The following OTUB1 variants were observed in gnomAD, a reference collection of about 807,000 sequenced individuals.
The protein encoded by OTUB1 is ubiquitin thioesterase OTUB1.
In OTUB1, 10 loss-of-function variants were observed where a neutral mutation model predicts 35.8. The observed-to-expected ratio is 0.28, with a 90% CI of 0.17 to 0.47. The LOEUF (loss-of-function observed/expected upper bound fraction) is 0.47. Ranked by LOEUF, OTUB1 falls within the 20% of genes least tolerant of loss-of-function variation. The probability of loss-of-function intolerance (pLI) is 0.99; values close to 1 mark genes in which losing one functional copy is unlikely to be tolerated. For synonymous variants in OTUB1, 158 were observed against 143.8 expected (o/e 1.10, Z -0.71); for missense variants, 264 against 351.6 (o/e 0.75, Z 1.99).
At chr11:63,986,834 G>A (rs1233277892) in intron 1 of OTUB1, 1 of 336,478 alleles carries the variant, frequency 3.0e-6, no homozygotes, top group South Asian at 8.0e-5. Context: ...GAGCCCTCTC[G>A]CCCCTGTCCT....
intron 5 of OTUB1, 48 bp downstream of exon 5, chr11:63,996,989 C>T (rs777992064): frequency 5.0e-6 from 8 of 1,612,738 alleles, no homozygotes; most frequent in Non-Finnish European, 6.8e-6. Context: ...GAGGGGTTCA[C>T]CTGGTGAGGA....
chr11:63,988,256 C>G, intron 1 of OTUB1, 81 bp from the exon 2 acceptor site: 1 of 1,137,072 alleles, frequency 8.8e-7, no homozygotes, highest in Non-Finnish European at 1.3e-6. Context: ...TGACCCTGGG[C>G]TGCTCTTGTC....
chr11:63,997,848 G>C lies in OTUB1; in HGVS notation c.*302G>C. 2 of 682,888 alleles carry C rather than the reference G, an allele frequency of 2.9e-6. No homozygotes were observed. The highest frequency in any genetic ancestry group is 1.5e-5 in the South Asian group (1 of 65,950). The allele number at this position is 682,888 out of a possible 1,614,324, so 42.3% of individuals were successfully genotyped here. A position where few individuals can be genotyped will look rare whatever the true frequency, so the allele number is the denominator to read the frequency against. On this transcript the variant is annotated 3_prime_UTR_variant, in exon 7 of 7. Transcript: ENST00000538426. ...GTTTGAGGGGCCAGGCCTCTTGGAG[G>C]CCCCTCCTGCTTCGTTGGGTTCTGC...
At chr11:63,988,583 G>A in intron 2 of OTUB1, 71 bp from the exon 3 acceptor site, 1 of 1,334,722 alleles carries the variant, frequency 7.5e-7, no homozygotes, top group Non-Finnish European at 1.1e-6. Context: ...CTCTTTTGTA[G>A]TTATTCTGTC....
In OTUB1 at chr11:63,998,150, T is replaced by TG. The variant is rs1244455819; in HGVS notation, c.*609dup. 1 of 281,888 alleles carries TG rather than the reference T, an allele frequency of 3.5e-6. No individual in the cohort carries two copies. 17.5% of individuals were successfully genotyped at this position (281,888 alleles called of 1,614,324 possible). ...GGGTGCCCGGGCAGTGCCATCCTGGTGGGGGAGGGCAGCCTTCAAACGTGT... is the reference window on the plus strand; with the variant it reads ...GGGTGCCCGGGCAGTGCCATCCTGGTGGGGGGAGGGCAGCCTTCAAACGTGT... On this transcript the variant is annotated 3_prime_UTR_variant, in exon 7 of 7. Transcript: ENST00000538426.
intron 3 of OTUB1, among the ~76,000 whole-genome samples, chr11:63,995,837 AGTGAAGTGTGCTTGCCAG>A (rs1370427837): frequency 2.0e-5 from 3 of 151,856 alleles, no homozygotes; most frequent in Admixed American, 6.6e-5. Context: ...AGGCCAGGGG[AGTGAAGTGTGCTTGCCAG>A]GTGAAGTGTG....
In OTUB1 at chr11:63,996,479, G is replaced by GC. The variant is rs776246554; in HGVS notation, c.220-46dup. ...TTGCTGGGGGACATTTCCTTGGCCA[G>GC]CCCCCGTTCTGGCCTGATGTTAACC... On this transcript the variant is annotated intron_variant, in intron 3 of 6. Coordinates refer to ENST00000538426, the MANE Select transcript of OTUB1 (RefSeq NM_017670.3). 2.5e-6 allele frequency: 4 copies of GC among 1,591,002 alleles called. No individual in the cohort carries two copies. The Admixed American group carries it at 7.1e-5, about 28-fold the overall frequency.
chr11:63,986,579 G>A (rs1379927119), intron 1 of OTUB1, 65 bp downstream of exon 1: 3 of 1,428,500 alleles, frequency 2.1e-6, no homozygotes, highest in Non-Finnish European at 2.9e-6. Context: ...AGCTGCTCCC[G>A]AGGAGGGAGG....
chr11:63,995,126 C>T (rs1021333650), intron 3 of OTUB1, among the ~76,000 whole-genome samples: 1 of 152,102 alleles, frequency 6.6e-6, no homozygotes, highest in African/African-American at 2.4e-5. Flanking sequence ...CCTCGACCTC[C>T]TGGGCCCACA....
chr11:63,988,406 G>A lies in OTUB1; in HGVS notation c.120+8G>A. The A allele has an allele frequency of 1.9e-6, 3 of 1,552,984 alleles. No individual in the cohort carries two copies. Among genetic ancestry groups the A allele is most frequent in the Non-Finnish European group, 2.6e-6 (3 of 1,147,450 alleles). On this transcript the variant is annotated splice_region_variant and intron_variant, in intron 2 of 6. Coordinates refer to ENST00000538426, the MANE Select transcript of OTUB1 (RefSeq NM_017670.3). ...GACCGAATTCAGCAAGAGGTGAGGG[G>A]CTGCAGTGGGCGAGGGAGGCAGTGG... is the stretch of plus-strand genomic sequence containing the variant.
intron 1 of OTUB1, chr11:63,986,895 C>T (rs1942626156): frequency 4.8e-6 from 1 of 208,256 alleles, no homozygotes; most frequent in Admixed American, 6.0e-5. Flanking sequence ...CGGCCTGCTC[C>T]AGCGGCGGCC....
intron 3 of OTUB1, chr11:63,990,326 G>C (rs1302419622): frequency 6.6e-6 from 1 of 152,278 alleles, no homozygotes; most frequent in African/African-American, 2.4e-5. Flanking sequence ...ATGGGGCCAG[G>C]CATGGTGGCT....
At position 63,996,883 on chromosome 11, in the gene OTUB1, A is replaced by G; in HGVS notation, c.365A>G (p.Lys122Arg). 8 of 1,614,186 alleles carry G rather than the reference A, an allele frequency of 5.0e-6. No homozygotes were observed. The highest frequency in any genetic ancestry group is 6.8e-6 in the Non-Finnish European group (8 of 1,180,008). ...TTCAAGGCTGTGTCTGCCAAGAGCA[A>G]GGAAGACCTGGTGTCCCAGGGCTTC... is the stretch of plus-strand genomic sequence containing the variant. The part of the protein sequence containing the change: ...QRFKAVSAKS[K>R]EDLVSQGFTE... The change falls in exon 5 of 7, where the codon AAG becomes AGG. Residue 122 changes from lysine (K) to arginine (R), a missense_variant. By Grantham distance (26) the Lys-to-Arg change is conservative. Coordinates refer to ENST00000538426, the MANE Select transcript of OTUB1 (RefSeq NM_017670.3).
intron 3 of OTUB1, 67 bp from the exon 4 acceptor site, chr11:63,996,463 G>A: frequency 6.5e-7 from 1 of 1,548,002 alleles, no homozygotes; most frequent in Admixed American, 1.8e-5. Context: ...TTTGCTGGGG[G>A]ACATTTCCTT....
intron 3 of OTUB1, among the ~76,000 whole-genome samples, chr11:63,993,558 G>A (rs574156752): frequency 2.8e-4 from 42 of 152,076 alleles, no homozygotes; most frequent in African/African-American, 8.9e-4. Context: ...CAGCTACTCA[G>A]GAGGCTGAGA....
intron 1 of OTUB1, 36 bp downstream of exon 1, chr11:63,986,550 G>A (rs1942621739): frequency 6.6e-7 from 1 of 1,519,408 alleles, no homozygotes; most frequent in African/African-American, 1.4e-5. Context: ...GCCCGGGCTA[G>A]TGGGGGCGAT....
At chr11:63,989,122 C>T in intron 3 of OTUB1, 1 of 176,250 alleles carries the variant, frequency 5.7e-6, no homozygotes, top group Non-Finnish European at 1.2e-5. Flanking sequence ...GAGTTCGAGA[C>T]CAGTCTGGCT....
rs1199972353 is a variant in OTUB1, at chr11:63,986,450, T to C, written c.-7T>C. On this transcript the variant is annotated 5_prime_UTR_variant, in exon 1 of 7. Coordinates refer to ENST00000538426, the MANE Select transcript of OTUB1 (RefSeq NM_017670.3). ...GGAAGCGGTCGGTAGTGCGGCGCTG[T>C]TTAAAGATGGCGGCGGAGGAACCTC... is the stretch of plus-strand genomic sequence containing the variant. 9 of 1,553,700 alleles carry C rather than the reference T, an allele frequency of 5.8e-6. No individual in the cohort carries two copies. The South Asian group carries it at 1.1e-4, about 18-fold the overall frequency.
At chr11:63,991,940 G>A (rs893464263) in intron 3 of OTUB1, among the ~76,000 whole-genome samples, 8 of 152,178 alleles carry the variant, frequency 5.3e-5, no homozygotes, top group Non-Finnish European at 1.2e-4. Flanking sequence ...GATCGGGGCC[G>A]GGCGTGGTGG....
Sources: gnomAD v4.1 joint callset for allele counts (sites outside exome capture counted in the v4.1 genomes callset) on GRCh38, gnomAD v4.1.1 for gene constraint, MANE v1.5 for transcripts, NCBI Gene and HGNC (gene_info 2026-07-23, HGNC 2026-07-21) for gene names.